KCNS3: variants seen among roughly 807,000 people sequenced by gnomAD.
KCNS3 encodes delayed-rectifier potassium channel regulatory subunit KCNS3.
In KCNS3, 13 loss-of-function variants were observed where a neutral mutation model predicts 31.0. The observed-to-expected ratio is 0.42, with a 90% CI of 0.27 to 0.67. The LOEUF is 0.67. Among genes scored for constraint, KCNS3 ranks in the 30% least tolerant of loss-of-function variants. KCNS3 has a pLI of 0.25. For synonymous variants in KCNS3, 238 were observed against 241.5 expected (o/e 0.99, Z 0.13); for missense variants, 545 against 622.4 (o/e 0.88, Z 1.32).
chr2:17,907,574 T>G (rs1343577926), intron 1 of KCNS3, among the ~76,000 whole-genome samples: 1 of 152,218 alleles, frequency 6.6e-6, no homozygotes, highest in Non-Finnish European at 1.5e-5. Context: ...TTACAATTTG[T>G]CATGTTTTTG....
intron 1 of KCNS3, among the ~76,000 whole-genome samples, chr2:17,884,268 A>AAAAATATATCTATATATATAT (rs1459540269): frequency 2.1e-5 from 1 of 46,696 alleles, no homozygotes; most frequent in East Asian, 1.2e-3. Context: ...AAAAAAAAAA[A>AAAAATATATCTATATATATAT]ATATATATAT....
intron 2 of KCNS3, among the ~76,000 whole-genome samples, chr2:17,923,109 G>C (rs1251977556): frequency 6.6e-6 from 1 of 152,062 alleles, no homozygotes; most frequent in African/African-American, 2.4e-5. Context: ...GCCAACACCT[G>C]ATGTATCATA....
At chr2:17,909,106 C>T (rs959311477) in intron 1 of KCNS3, among the ~76,000 whole-genome samples, 1 of 152,198 alleles carries the variant, frequency 6.6e-6, no homozygotes, top group Non-Finnish European at 1.5e-5. Flanking sequence ...TGGGCTCCAC[C>T]CAGTTCGAGC....
rs573333638 is a variant in KCNS3 at position 17,901,655 on chromosome 2, A to G, written c.-251-16025A>G. Reference sequence around the variant, plus strand: ...ATTGGCTGATGAGAAGAGCAGAGGCACAAGGAGGAGGCCATGGTGGTGGGT... The same window carrying G: ...ATTGGCTGATGAGAAGAGCAGAGGCGCAAGGAGGAGGCCATGGTGGTGGGT... On this transcript the variant is annotated intron_variant, in intron 1 of 2. Transcript: ENST00000304101. Among the ~76,000 whole-genome samples, 163 of 152,244 alleles carry G rather than the reference A, an allele frequency of 1.1e-3. 1 individual carries two copies. Among genetic ancestry groups the G allele is most frequent in the Non-Finnish European group, 1.9e-3 (132 of 68,020 alleles).
chr2:17,904,977 T>G (rs1357276071), intron 1 of KCNS3, among the ~76,000 whole-genome samples: 1 of 151,782 alleles, frequency 6.6e-6, no homozygotes, highest in African/African-American at 2.4e-5. Flanking sequence ...TTTAAAGTAG[T>G]TTTTTCCAAT....
chr2:17,895,739 T>A (rs377143134), intron 1 of KCNS3, among the ~76,000 whole-genome samples: 28 of 152,116 alleles, frequency 1.8e-4, no homozygotes, highest in African/African-American at 6.3e-4. Context: ...CTGGGAAAGT[T>A]TCCTGGAAGA....
At chr2:17,914,292 G>T (rs575486801) in intron 1 of KCNS3, among the ~76,000 whole-genome samples, 4 of 152,354 alleles carry the variant, frequency 2.6e-5, no homozygotes, top group Admixed American at 2.6e-4. Flanking sequence ...CTCATAGCAA[G>T]GTGTGTGGGA....
intron 1 of KCNS3, among the ~76,000 whole-genome samples, chr2:17,893,544 G>T (rs932988438): frequency 2.6e-5 from 4 of 152,184 alleles, no homozygotes; most frequent in Admixed American, 2.6e-4. Flanking sequence ...ATGGATCCCC[G>T]TGGTGCCAGG....
In KCNS3 at chr2:17,932,036, A is replaced by G. The variant is rs140699625; in HGVS notation, c.1028A>G (p.Tyr343Cys). Reference protein sequence around the residue: ...VGISIFSVLIYSVEKDDHTSS... With the variant: ...VGISIFSVLICSVEKDDHTSS... ...ATTTCCATTTTCTCTGTGCTTATCT[A>G]CTCCGTGGAGAAAGATGACCACACA... Residue 343 changes from tyrosine to cysteine, a missense_variant, in exon 3 of 3, where the codon TAC becomes TGC. By Grantham distance (194) the Tyr-to-Cys change is radical. Transcript: ENST00000304101. 2.5e-6 allele frequency: 4 copies of G among 1,613,042 alleles called. No individual in the cohort carries two copies. The highest frequency in any genetic ancestry group is 3.4e-6 in the Non-Finnish European group (4 of 1,179,734).
intron 1 of KCNS3, among the ~76,000 whole-genome samples, chr2:17,898,375 A>C (rs888138162): frequency 6.6e-6 from 1 of 151,934 alleles, no homozygotes; most frequent in African/African-American, 2.4e-5. Context: ...ATAGCATTGA[A>C]TCTATCTGTA....
rs182203623 is a variant in KCNS3 at position 17,913,256 on chromosome 2, T to C, written c.-251-4424T>C. ...TCAGATTTTATTAAAAGTAGGTCTGTCGTTGATGTATGGTAGCAAGACTAC... is the reference window on the plus strand; with the variant it reads ...TCAGATTTTATTAAAAGTAGGTCTGCCGTTGATGTATGGTAGCAAGACTAC... On this transcript the variant is annotated intron_variant, in intron 1 of 2. Coordinates refer to ENST00000304101, the MANE Select transcript of KCNS3 (RefSeq NM_002252.5). Among the ~76,000 whole-genome samples, 52 of 152,384 alleles carry C rather than the reference T, an allele frequency of 3.4e-4. 1 individual carries two copies. In the East Asian group the frequency reaches 8.7e-3, roughly 25 times the overall value.
At position 17,932,054 on chromosome 2, in the gene KCNS3, A is replaced by C; in HGVS notation, c.1046A>C (p.Asp349Ala). The change falls in exon 3 of 3, where the codon GAC (aspartate) becomes GCC (alanine). Residue 349 changes from aspartate (D) to alanine (A), a missense_variant. Coordinates refer to ENST00000304101, the MANE Select transcript of KCNS3 (RefSeq NM_002252.5). ...SVLIYSVEKD[D>A]HTSSLTSIPI... ...CTTATCTACTCCGTGGAGAAAGATGACCACACATCCAGCCTCACCAGCATC... is the reference window on the plus strand; with the variant it reads ...CTTATCTACTCCGTGGAGAAAGATGCCCACACATCCAGCCTCACCAGCATC... 6.2e-7 allele frequency: 1 copy of C among 1,614,112 alleles called. No homozygotes were observed.
At chr2:17,895,295 C>T (rs1045771321) in intron 1 of KCNS3, among the ~76,000 whole-genome samples, 1 of 152,104 alleles carries the variant, frequency 6.6e-6, no homozygotes, top group African/African-American at 2.4e-5. Context: ...GAGAGTTTTG[C>T]TGTAAATATG....
At chr2:17,899,625 G>C (rs1016874455) in intron 1 of KCNS3, among the ~76,000 whole-genome samples, 9 of 151,968 alleles carry the variant, frequency 5.9e-5, no homozygotes, top group African/African-American at 2.2e-4. Context: ...TTGCAGAGTG[G>C]GACTAATAAT....
In KCNS3 at chr2:17,931,017, T is replaced by C; in HGVS notation, c.9T>C (p.Phe3=). 6.2e-7 allele frequency: 1 copy of C among 1,613,344 alleles called. No homozygotes were observed. Among genetic ancestry groups the C allele is most frequent in the Non-Finnish European group, 8.5e-7 (1 of 1,179,514 alleles). Reference sequence around the variant, plus strand: ...TGCCTTCTGTATCCACCATGGTGTTTGGTGAGTTTTTCCATCGCCCTGGAC... The same window carrying C: ...TGCCTTCTGTATCCACCATGGTGTTCGGTGAGTTTTTCCATCGCCCTGGAC... MV[F]GEFFHRPGQD... Residue 3 remains phenylalanine (F), a synonymous_variant, in exon 3 of 3, where the codon TTT becomes TTC. Transcript: ENST00000304101. This position sits in a 1 kb window ranked among gnomAD's most constrained non-coding sequence, Gnocchi z 5.4.
chr2:17,896,937 T>A (rs1247532009), intron 1 of KCNS3, among the ~76,000 whole-genome samples: 4 of 152,314 alleles, frequency 2.6e-5, no homozygotes, highest in East Asian at 1.9e-4. Flanking sequence ...CAGGTTTGTT[T>A]ACCTGGGTAT....
intron 1 of KCNS3, among the ~76,000 whole-genome samples, chr2:17,893,734 C>T (rs1170763175): frequency 6.6e-6 from 1 of 152,184 alleles, no homozygotes; most frequent in African/African-American, 2.4e-5. Context: ...CTACCTTTCC[C>T]ACTTCCGCAG....
At chr2:17,891,249 T>C (rs546387530) in intron 1 of KCNS3, among the ~76,000 whole-genome samples, 5 of 152,194 alleles carry the variant, frequency 3.3e-5, no homozygotes, top group Admixed American at 2.0e-4. Context: ...TTGGTGTCCA[T>C]TTGCATGAAA....
intron 2 of KCNS3, among the ~76,000 whole-genome samples, chr2:17,918,537 C>T (rs563975419): frequency 3.5e-4 from 53 of 152,280 alleles, no homozygotes; most frequent in African/African-American, 1.1e-3. Context: ...GTTTGGTCAC[C>T]GGAGGTATTT....
Sources: gnomAD v4.1 joint callset for allele counts (sites outside exome capture counted in the v4.1 genomes callset) on GRCh38, gnomAD v4.1.1 for gene constraint, Gnocchi (gnomAD v3.1) non-coding constraint, MANE v1.5 for transcripts, NCBI Gene and HGNC (gene_info 2026-07-23, HGNC 2026-07-21) for gene names.